Variants in GRID2 observed in about 807,000 individuals in gnomAD.
GRID2 encodes the protein glutamate ionotropic receptor delta type subunit 2, also known as glutamate receptor ionotropic, delta-2.
In GRID2, 33 loss-of-function variants were observed where a neutral mutation model predicts 114.8. That is an observed-to-expected ratio of 0.29 (90% CI 0.22 to 0.38). The LOEUF is 0.38. Among genes scored for constraint, GRID2 ranks in the 10% least tolerant of loss-of-function variants. The pLI is 1.00. For missense variants in GRID2, 1,184 were observed against 1,257.7 expected, an observed-to-expected ratio of 0.94 and a Z score of 0.89; for synonymous variants, 505 against 449.9, an observed-to-expected ratio of 1.12 and a Z score of -1.55.
intron 2 of GRID2, among the ~76,000 whole-genome samples, chr4:92,694,431 C>T (rs984635722): frequency 6.6e-6 from 1 of 152,134 alleles, no homozygotes; most frequent in African/African-American, 2.4e-5. Flanking sequence ...CATCTGTGTT[C>T]AGCGCTACAG....
At chr4:93,186,240 A>G (rs1740409712) in intron 4 of GRID2, among the ~76,000 whole-genome samples, 1 of 152,166 alleles carries the variant, frequency 6.6e-6, no homozygotes, top group Non-Finnish European at 1.5e-5. Context: ...CATGATTTAT[A>G]TACTTGGGTA....
At chr4:92,884,933 C>CA in intron 2 of GRID2, 1 of 335,882 alleles carries the variant, frequency 3.0e-6, no homozygotes, top group Non-Finnish European at 6.1e-6. Flanking sequence ...ATTTGGTCTC[C>CA]CCAAAAAAAA....
intron 8 of GRID2, among the ~76,000 whole-genome samples, chr4:93,343,176 G>GTGTT (rs1323990195): frequency 6.6e-5 from 10 of 151,370 alleles, no homozygotes; most frequent in Non-Finnish European, 1.0e-4. Context: ...GTGTGTGTGT[G>GTGTT]TGTGTATTGG....
At chr4:93,700,203 A>T (rs1420746988) in intron 14 of GRID2, among the ~76,000 whole-genome samples, 1 of 152,150 alleles carries the variant, frequency 6.6e-6, no homozygotes, top group Admixed American at 6.6e-5. Flanking sequence ...AATGACTCTA[A>T]TACAGAGCAG....
chr4:93,572,784 C>T (rs1205301768), intron 13 of GRID2, among the ~76,000 whole-genome samples: 1 of 152,118 alleles, frequency 6.6e-6, no homozygotes, highest in African/African-American at 2.4e-5. Context: ...CATATCACCC[C>T]TTTCCTGGTC....
intron 8 of GRID2, among the ~76,000 whole-genome samples, chr4:93,376,080 T>A (rs976138829): frequency 6.6e-6 from 1 of 152,178 alleles, no homozygotes; most frequent in African/African-American, 2.4e-5. Context: ...ACAGTCTGAT[T>A]AGTTTTGGGC....
chr4:93,040,569 G>A (rs1725415465), intron 2 of GRID2, among the ~76,000 whole-genome samples: 1 of 152,056 alleles, frequency 6.6e-6, no homozygotes, highest in African/African-American at 2.4e-5. Flanking sequence ...GAATTCATCA[G>A]AATGGATATC....
At chr4:92,773,651 TTAAC>T (rs1386771621) in intron 2 of GRID2, among the ~76,000 whole-genome samples, 5 of 151,988 alleles carry the variant, frequency 3.3e-5, no homozygotes, top group Non-Finnish European at 5.9e-5. Context: ...TACCATAAAT[TTAAC>T]TATTCCCATA....
chr4:93,587,893 T>A (rs1737704708), intron 13 of GRID2, among the ~76,000 whole-genome samples: 1 of 152,074 alleles, frequency 6.6e-6, no homozygotes, highest in African/African-American at 2.4e-5. Context: ...TTAAGAAACA[T>A]TTTGCATATT....
intron 1 of GRID2, among the ~76,000 whole-genome samples, chr4:92,417,664 A>T (rs1291142382): frequency 6.6e-6 from 1 of 152,148 alleles, no homozygotes; most frequent in East Asian, 1.9e-4. Context: ...GTATAATGTG[A>T]GGAGGTGGAT....
At chr4:93,366,202 G>A (rs1352760125) in intron 8 of GRID2, among the ~76,000 whole-genome samples, 3 of 152,130 alleles carry the variant, frequency 2.0e-5, no homozygotes, top group Non-Finnish European at 4.4e-5. Context: ...TGAGCCGGGT[G>A]GAACAGAGCC....
chr4:92,585,565 TC>T (rs2149206610), intron 1 of GRID2, among the ~76,000 whole-genome samples: 1 of 152,042 alleles, frequency 6.6e-6, no homozygotes, highest in East Asian at 1.9e-4. Flanking sequence ...ATATTTAGAG[TC>T]TTTTATTTTA....
chr4:92,974,509 A>G (rs1461746037), intron 2 of GRID2, among the ~76,000 whole-genome samples: 1 of 152,124 alleles, frequency 6.6e-6, no homozygotes. Context: ...TTGCAGCCAT[A>G]AAAAAGGATG....
chr4:93,390,641 A>C (rs1330132439), intron 8 of GRID2, among the ~76,000 whole-genome samples: 1 of 152,178 alleles, frequency 6.6e-6, no homozygotes, highest in Admixed American at 6.5e-5. Flanking sequence ...AATGTAGTGT[A>C]ATGGTAATTT....
At chr4:92,631,227 A>G (rs1049512059) in intron 2 of GRID2, among the ~76,000 whole-genome samples, 2 of 152,080 alleles carry the variant, frequency 1.3e-5, no homozygotes, top group African/African-American at 4.8e-5. Context: ...GTGTCCATAC[A>G]ACACCAGAAG....
At chr4:93,423,018 G>A (rs201859020) in intron 10 of GRID2, 50 bp downstream of exon 10, 1 of 1,248,252 alleles carries the variant, frequency 8.0e-7, no homozygotes, top group East Asian at 2.4e-5. Flanking sequence ...TCAATTATTT[G>A]TCTCATACCT....
At chr4:92,729,190 T>C (rs1428178377) in intron 2 of GRID2, among the ~76,000 whole-genome samples, 1 of 152,040 alleles carries the variant, frequency 6.6e-6, no homozygotes, top group Non-Finnish European at 1.5e-5. Context: ...TATATTTTTT[T>C]GACCTCCAGA....
chr4:93,337,038 T>C (rs1456593410), intron 8 of GRID2, among the ~76,000 whole-genome samples: 1 of 152,184 alleles, frequency 6.6e-6, no homozygotes, highest in Non-Finnish European at 1.5e-5. Flanking sequence ...TATTTCAGTT[T>C]ATATTACTAG....
chr4:93,519,966 T>C (rs1462222171), intron 13 of GRID2, among the ~76,000 whole-genome samples: 14 of 152,112 alleles, frequency 9.2e-5, no homozygotes, highest in Admixed American at 8.5e-4. Flanking sequence ...GCTCTAATCC[T>C]AGCTGGAAAA....
Sources: gnomAD v4.1 joint callset for allele counts (sites outside exome capture counted in the v4.1 genomes callset) on GRCh38, gnomAD v4.1.1 for gene constraint, MANE v1.5 for transcripts, NCBI Gene and HGNC (gene_info 2026-07-23, HGNC 2026-07-21) for gene names.